UGT1A9: variants seen among roughly 807,000 people sequenced by gnomAD.
The protein encoded by UGT1A9 is UDP glucuronosyltransferase family 1 member A9.
In UGT1A9, 35 loss-of-function variants were observed where a neutral mutation model predicts 45.0. The observed-to-expected ratio is 0.78, with a 90% CI of 0.59 to 1.03. The LOEUF is 1.03. UGT1A9 is among the 50% of genes least tolerant of loss of function. The pLI is 0.00. For missense variants in UGT1A9, 687 were observed against 666.6 expected (o/e 1.03, Z -0.34); for synonymous variants, 278 against 250.6 (o/e 1.11, Z -1.03).
In UGT1A9 at chr2:233,767,150, C is replaced by A. The variant is rs1699320624; in HGVS notation, c.972C>A (p.Gly324=). 4 of 1,613,942 alleles carry A rather than the reference C, an allele frequency of 2.5e-6. No individual in the cohort carries two copies. The highest frequency in any genetic ancestry group is 1.6e-4 in the Middle Eastern group (1 of 6,082). Residue 324 remains glycine (G), a synonymous_variant, in exon 2 of 5, where the codon GGC becomes GGA. Coordinates refer to ENST00000354728, the MANE Select transcript of UGT1A9 (RefSeq NM_021027.3). The part of the protein sequence containing the change: ...KKAMAIADAL[G]KIPQTVLWRY... ...CTATGGCAATTGCTGATGCTTTGGG[C>A]AAAATCCCTCAGACAGTAAGAAGAT...
intron 1 of UGT1A9, among the ~76,000 whole-genome samples, chr2:233,703,389 A>T (rs77142050): frequency 0.032 from 4,829 of 151,980 alleles, 259 homozygotes; most frequent in African/African-American, 0.11. Flanking sequence ...TATATTTTCA[A>T]ATAAACAATT....
Position 233,672,374 on chromosome 2 carries a change from T to C in UGT1A9, c.440T>C (p.Leu147Pro), listed in dbSNP as rs2125502075. The stretch of plus-strand genomic sequence containing the variant: ...GAGAGTTCTTTTGATGCAGTGTTTC[T>C]CGATCCTTTTGATAACTGTGGCTTA... ...LKESSFDAVF[L>P]DPFDNCGLIV... is the part of the protein sequence containing the mutation. Residue 147 changes from leucine to proline, a missense_variant, in exon 1 of 5, where the codon CTC (leucine) becomes CCC (proline). Transcript: ENST00000354728. The C allele has an allele frequency of 1.2e-6, 2 of 1,614,170 alleles. No homozygotes were observed. Among genetic ancestry groups the C allele is most frequent in the South Asian group, 1.1e-5 (1 of 91,086 alleles).
chr2:233,757,188 C>G (rs1300047445), intron 1 of UGT1A9, among the ~76,000 whole-genome samples: 1 of 150,488 alleles, frequency 6.6e-6, no homozygotes, highest in African/African-American at 2.5e-5. Flanking sequence ...GCAGAGGACT[C>G]TGAATTTTCT....
intron 1 of UGT1A9, chr2:233,718,773 C>A: frequency 6.2e-7 from 1 of 1,612,848 alleles, no homozygotes. Flanking sequence ...ACAAATGTAG[C>A]AGGCACAGCG....
intron 1 of UGT1A9, among the ~76,000 whole-genome samples, chr2:233,702,925 G>T (rs1314769740): frequency 2.0e-5 from 3 of 152,140 alleles, no homozygotes; most frequent in Non-Finnish European, 2.9e-5. Context: ...TTTTCTTGCG[G>T]AGCCTTGGTC....
rs1699273514 is a variant in UGT1A9, at chr2:233,766,902, T to A, written c.856-132T>A. Reference sequence around the variant, plus strand: ...CTGTAAAACTTACATATTAATAATTTTTTACTCTATCTCAAACACGCATGC... The same window carrying A: ...CTGTAAAACTTACATATTAATAATTATTTACTCTATCTCAAACACGCATGC... On this transcript the variant is annotated intron_variant, in intron 1 of 4. Coordinates refer to ENST00000354728, the MANE Select transcript of UGT1A9 (RefSeq NM_021027.3). 3.3e-6 allele frequency: 5 copies of A among 1,493,272 alleles called. No individual in the cohort carries two copies. The South Asian group carries it at 6.7e-5, about 20-fold the overall frequency. The allele number at this position is 1,493,272 out of a possible 1,614,324, so 92.5% of individuals were successfully genotyped here.
intron 1 of UGT1A9, chr2:233,682,509 C>T (rs1326644078): frequency 2.5e-6 from 4 of 1,613,890 alleles, no homozygotes; most frequent in South Asian, 1.1e-5. Context: ...TCCTATGTCC[C>T]CAGACTTCTC....
At chr2:233,714,728 C>T (rs2076408539) in intron 1 of UGT1A9, among the ~76,000 whole-genome samples, 1 of 152,116 alleles carries the variant, frequency 6.6e-6, no homozygotes, top group African/African-American at 2.4e-5. Context: ...GTTGTTAAGT[C>T]TTCAAAATCT....
rs1379096490 is a variant in UGT1A9 at position 233,719,774 on chromosome 2, C to T, written c.855+46985C>T. ...TTACTTACAAGTGCTTCCATATCTA[C>T]TTATCTTTCCAAAGATTTTATTTTG... On this transcript the variant is annotated intron_variant, in intron 1 of 4. Coordinates refer to ENST00000354728, the MANE Select transcript of UGT1A9 (RefSeq NM_021027.3). 23 of 1,611,342 alleles carry T rather than the reference C, an allele frequency of 1.4e-5. No individual in the cohort carries two copies. The Admixed American group carries it at 3.8e-4, about 27-fold the overall frequency.
At position 233,728,920 on chromosome 2, in the gene UGT1A9, G is replaced by C. The variant is rs45496293; in HGVS notation, c.856-38114G>C. Among the ~76,000 whole-genome samples the C allele has an allele frequency of 4.5e-3, 686 of 151,868 alleles. 5 individuals carry two copies. Among genetic ancestry groups the C allele is most frequent in the African/African-American group, 0.016 (647 of 41,130 alleles). Reference sequence around the variant, plus strand: ...AGGGTCAGACGTGTTTTTCAAGATAGTCATGATCGGTCTTTTCCAGGGTGG... The same window carrying C: ...AGGGTCAGACGTGTTTTTCAAGATACTCATGATCGGTCTTTTCCAGGGTGG... On this transcript the variant is annotated intron_variant, in intron 1 of 4. Transcript: ENST00000354728.
intron 1 of UGT1A9, among the ~76,000 whole-genome samples, chr2:233,750,888 T>C (rs577435588): frequency 6.6e-6 from 1 of 152,002 alleles, no homozygotes; most frequent in South Asian, 2.1e-4. Context: ...GGAGCCCTTA[T>C]AGAGAACCTC....
chr2:233,705,222 A>T (rs1400550226), intron 1 of UGT1A9, among the ~76,000 whole-genome samples: 1 of 152,060 alleles, frequency 6.6e-6, no homozygotes, highest in East Asian at 1.9e-4. Context: ...TACTATTATC[A>T]GTGCTTTTTT....
intron 1 of UGT1A9, among the ~76,000 whole-genome samples, chr2:233,758,159 G>C (rs1281366344): frequency 2.6e-5 from 4 of 152,206 alleles, no homozygotes; most frequent in Non-Finnish European, 5.9e-5. Flanking sequence ...AATGGGTTCT[G>C]CTTTGGTTTC....
intron 1 of UGT1A9, chr2:233,747,984 C>G: frequency 6.2e-7 from 1 of 1,613,422 alleles, no homozygotes; most frequent in South Asian, 1.1e-5. Context: ...GTGGCTGTTC[C>G]GAGGGGACTT....
chr2:233,672,999 A>C (rs1016056771), intron 1 of UGT1A9, among the ~76,000 whole-genome samples: 3 of 152,210 alleles, frequency 2.0e-5, no homozygotes, highest in Admixed American at 6.5e-5. Flanking sequence ...TAACTTATAA[A>C]ATTGTGGAAC....
intron 1 of UGT1A9, among the ~76,000 whole-genome samples, chr2:233,683,447 A>T (rs1304949138): frequency 6.6e-6 from 1 of 152,090 alleles, no homozygotes; most frequent in East Asian, 1.9e-4. Context: ...GAATTCTTGT[A>T]TACTTTCTTT....
rs372244167 is a variant in UGT1A9 at position 233,672,439 on chromosome 2, G to T, written c.505G>T (p.Ala169Ser). The change falls in exon 1 of 5, where the codon GCC becomes TCC. Residue 169 changes from alanine to serine, a missense_variant. Coordinates refer to ENST00000354728, the MANE Select transcript of UGT1A9 (RefSeq NM_021027.3). ...KYFSLPSVVF[A>S]RGILCHYLEE... ...TTTCTCCCTCCCCTCCGTGGTCTTC[G>T]CCAGGGGAATACTTTGCCACTATCT... 3.7e-6 allele frequency: 6 copies of T among 1,613,606 alleles called. No individual in the cohort carries two copies. The African/African-American group carries it at 5.3e-5, about 14-fold the overall frequency.
chr2:233,683,667 CT>C (rs2074645385), intron 1 of UGT1A9, among the ~76,000 whole-genome samples: 1 of 152,048 alleles, frequency 6.6e-6, no homozygotes, highest in South Asian at 2.1e-4. Context: ...TTTCATCTTT[CT>C]TATTAACCTT....
chr2:233,688,804 A>G (rs1322775404), intron 1 of UGT1A9, among the ~76,000 whole-genome samples: 1 of 152,176 alleles, frequency 6.6e-6, no homozygotes, highest in Non-Finnish European at 1.5e-5. Context: ...TTGATTAGCT[A>G]CAAACTGTGA....
Sources: gnomAD v4.1 joint callset for allele counts (sites outside exome capture counted in the v4.1 genomes callset) on GRCh38, gnomAD v4.1.1 for gene constraint, MANE v1.5 for transcripts, NCBI Gene and HGNC (gene_info 2026-07-23, HGNC 2026-07-21) for gene names.